Variants in NME9 observed in about 807,000 individuals in gnomAD.
The protein encoded by NME9 is thioredoxin domain-containing protein 6.
Under a neutral mutation model 44.4 loss-of-function variants are expected in NME9, and 48 were observed. The observed-to-expected ratio is 1.08, with a 90% CI of 0.86 to 1.37. NME9 has a LOEUF of 1.37. Ranked by LOEUF, NME9 falls within the 40% of genes most tolerant of loss-of-function variation. The pLI is 0.00. For synonymous variants in NME9, 139 were observed against 147.1 expected (o/e 0.94, Z 0.40); for missense variants, 325 against 405.2 (o/e 0.80, Z 1.70).
intron 1 of NME9, among the ~76,000 whole-genome samples, chr3:138,325,622 G>A (rs1159035684): frequency 1.3e-5 from 2 of 151,874 alleles, no homozygotes; most frequent in Non-Finnish European, 2.9e-5. Flanking sequence ...TGGCCAGGCT[G>A]GTCTCGAACT....
At chr3:138,300,781 C>T (rs1577106408), downstream of NME9, among the ~76,000 whole-genome samples, 2 of 152,320 alleles carry the variant, frequency 1.3e-5, no homozygotes, top group Admixed American at 1.3e-4. Flanking sequence ...AATTTAATGT[C>T]TGAGCATTGC....
At chr3:138,300,352 A>G (rs985220857), downstream of NME9, among the ~76,000 whole-genome samples, 5 of 152,136 alleles carry the variant, frequency 3.3e-5, no homozygotes, top group Admixed American at 2.0e-4. Flanking sequence ...ACGAAGTGTG[A>G]TGCACCCACG....
downstream of NME9, chr3:138,297,830 A>C (rs1322822907): frequency 6.6e-6 from 1 of 152,234 alleles, no homozygotes; most frequent in East Asian, 1.9e-4. Context: ...GGCATTTTTA[A>C]CACAAAACAC....
intron 9 of NME9, among the ~76,000 whole-genome samples, chr3:138,304,579 T>C (rs1470660083): frequency 6.6e-6 from 1 of 152,146 alleles, no homozygotes; most frequent in Non-Finnish European, 1.5e-5. Flanking sequence ...GGGAGTACCC[T>C]GTGGAATCCT....
chr3:138,296,658 A>G (rs938054713), downstream of NME9: 1 of 152,248 alleles, frequency 6.6e-6, no homozygotes, highest in African/African-American at 2.4e-5. Flanking sequence ...ATTAGCAGGT[A>G]CAGAGCCTTT....
At chr3:138,280,853 C>T (rs2049833115) in intron 8 of NME9, among the ~76,000 whole-genome samples, 1 of 152,136 alleles carries the variant, frequency 6.6e-6, no homozygotes, top group Admixed American at 6.5e-5. Flanking sequence ...ACCTCAAACT[C>T]TTGACCTCAA....
intron 8 of NME9, among the ~76,000 whole-genome samples, chr3:138,269,225 A>T (rs2048556775): frequency 6.6e-6 from 1 of 152,220 alleles, no homozygotes; most frequent in Non-Finnish European, 1.5e-5. Context: ...TACAGTTGAG[A>T]AATGTATACC....
chr3:138,325,597 G>A (rs567814581), intron 1 of NME9, among the ~76,000 whole-genome samples: 20 of 151,908 alleles, frequency 1.3e-4, no homozygotes, highest in Admixed American at 1.0e-3. Flanking sequence ...TAGTTGAGAC[G>A]GGGTTCCACC....
At chr3:138,306,664 G>A (rs185193744) in intron 6 of NME9, among the ~76,000 whole-genome samples, 184 bp from the exon 7 acceptor site, 1 of 152,206 alleles carries the variant, frequency 6.6e-6, no homozygotes, top group Non-Finnish European at 1.5e-5. Flanking sequence ...TCTGGTGGAT[G>A]CACCAGTCTG....
At chr3:138,282,613 G>C (rs571163478) in intron 8 of NME9, among the ~76,000 whole-genome samples, 2 of 146,954 alleles carry the variant, frequency 1.4e-5, no homozygotes, top group African/African-American at 5.1e-5. Context: ...CTCTAGCCTG[G>C]TGACAGAGTG....
intron 1 of NME9, among the ~76,000 whole-genome samples, chr3:138,326,790 G>A (rs971620489): frequency 1.3e-5 from 2 of 151,846 alleles, no homozygotes; most frequent in Admixed American, 6.6e-5. Context: ...AAAAAGATAG[G>A]ATGCATTATT....
intron 8 of NME9, chr3:138,263,863 T>C (rs766061401): frequency 1.9e-6 from 3 of 1,559,748 alleles, no homozygotes; most frequent in Admixed American, 3.3e-5. Flanking sequence ...TTTTGCCATA[T>C]ATTTAACCTG....
intron 8 of NME9, among the ~76,000 whole-genome samples, chr3:138,272,404 G>A (rs2048881004): frequency 6.6e-6 from 1 of 151,236 alleles, no homozygotes; most frequent in Non-Finnish European, 1.5e-5. Flanking sequence ...TATTTGAGAA[G>A]TCTTAAGACA....
intron 6 of NME9, among the ~76,000 whole-genome samples, chr3:138,306,744 A>G (rs1003681693): frequency 2.0e-5 from 3 of 152,244 alleles, no homozygotes; most frequent in African/African-American, 4.8e-5. Flanking sequence ...GACTGGCTCA[A>G]TGAACCTGGG....
intron 8 of NME9, among the ~76,000 whole-genome samples, chr3:138,274,006 C>A (rs904292973): frequency 9.9e-5 from 15 of 152,014 alleles, no homozygotes; most frequent in African/African-American, 3.6e-4. Flanking sequence ...GTAGTAGAGA[C>A]GGGGTTTTGC....
chr3:138,289,768 T>G (rs1193148480), intron 8 of NME9, among the ~76,000 whole-genome samples: 1 of 152,108 alleles, frequency 6.6e-6, no homozygotes, highest in Non-Finnish European at 1.5e-5. Flanking sequence ...GTCTCAAGGC[T>G]GGGTTGGCTG....
Position 138,329,706 on chromosome 3 carries a change from CA to C in NME9, c.-372del. ...AGGGTCGCCAGTCGAGGAATTCTGA[CA>C]AAAAAACGACATGGGACCCTGTTAT... On this transcript the variant is annotated 5_prime_UTR_variant, in exon 1 of 11. It introduces an in-frame stop codon into an upstream open reading frame of the 5' UTR. Coordinates refer to ENST00000333911, the MANE Select transcript of NME9 (RefSeq NM_001349018.2). 2.8e-6 allele frequency: 3 copies of C among 1,070,702 alleles called. No homozygotes were observed. Among genetic ancestry groups the C allele is most frequent in the African/African-American group, 1.7e-5 (1 of 58,454 alleles). The allele number at this position is 1,070,702 out of a possible 1,614,324, so 66.3% of individuals were successfully genotyped here. A position where few individuals can be genotyped will look rare whatever the true frequency, so the allele number is the denominator to read the frequency against.
chr3:138,291,703 T>C (rs1230389412), intron 8 of NME9, among the ~76,000 whole-genome samples: 2 of 152,182 alleles, frequency 1.3e-5, no homozygotes, highest in Non-Finnish European at 2.9e-5. Context: ...GAGGATGACA[T>C]GATCAGAGAC....
Position 138,301,673 on chromosome 3 carries a change from A to C in NME9, c.960T>G (p.Thr320=). ...GGEAEATAGP[T]EALCFPEDVD is the part of the protein sequence containing the mutation. The stretch of plus-strand genomic sequence containing the variant: ...CATCCTCAGGAAAGCAAAGCGCCTC[A>C]GTGGGCCCCGCTGTTGCTTCAGCCT... Residue 320 remains threonine, a synonymous_variant, in exon 11 of 11, where the codon ACT becomes ACG. Transcript: ENST00000333911. 1.3e-6 allele frequency: 2 copies of C among 1,536,134 alleles called. No individual in the cohort carries two copies. Among genetic ancestry groups the C allele is most frequent in the Non-Finnish European group, 1.7e-6 (2 of 1,146,888 alleles).
Sources: allele counts gnomAD v4.1 joint callset (sites outside exome capture counted in the v4.1 genomes callset), GRCh38; gene constraint gnomAD v4.1.1; transcripts MANE v1.5; gene names NCBI Gene and HGNC (gene_info 2026-07-23, HGNC 2026-07-21).